The following ACTL8 variants were observed in gnomAD, a reference collection of about 807,000 sequenced individuals.
The protein encoded by ACTL8 is actin-like protein 8.
A neutral mutation model predicts 9.3 loss-of-function variants in ACTL8; 3 were observed. The observed-to-expected ratio is 0.32, with a 90% CI of 0.15 to 0.83. The LOEUF is 0.83. ACTL8 is among the 40% of genes least tolerant of loss of function. The pLI is 0.57. For synonymous variants in ACTL8, 224 were observed against 205.9 expected (o/e 1.09, Z -0.75); for missense variants, 381 against 492.2 (o/e 0.77, Z 2.14).
chr1:17,808,091 A>G (rs2066370280), intron 1 of ACTL8, among the ~76,000 whole-genome samples: 1 of 152,196 alleles, frequency 6.6e-6, no homozygotes, highest in Non-Finnish European at 1.5e-5. Context: ...GTTGTCTAGG[A>G]CTCACTGAGA....
chr1:17,822,988 C>A lies in ACTL8; in HGVS notation c.-21C>A. ...ACCCCATCCTTTGCTTCCGCAGGTCCCACCCACCTCTGCCTCCGCCATGGC... is the reference window on the plus strand; with the variant it reads ...ACCCCATCCTTTGCTTCCGCAGGTCACACCCACCTCTGCCTCCGCCATGGC... On this transcript the variant is annotated 5_prime_UTR_variant, in exon 2 of 3. Transcript: ENST00000375406. 6.2e-7 allele frequency: 1 copy of A among 1,603,404 alleles called. No individual in the cohort carries two copies. Among genetic ancestry groups the A allele is most frequent in the Non-Finnish European group, 8.5e-7 (1 of 1,174,260 alleles).
At chr1:17,786,785 G>A (rs1224013939) in intron 1 of ACTL8, among the ~76,000 whole-genome samples, 1 of 151,800 alleles carries the variant, frequency 6.6e-6, no homozygotes, top group Admixed American at 6.6e-5. Context: ...GCACAGCCTC[G>A]AGCTCCTCAA....
chr1:17,819,253 T>C (rs770557779), intron 1 of ACTL8, among the ~76,000 whole-genome samples: 1 of 152,234 alleles, frequency 6.6e-6, no homozygotes, highest in Non-Finnish European at 1.5e-5. Context: ...CTTCCCGGAA[T>C]GTCATGCAGC....
chr1:17,796,081 T>A (rs959696175), intron 1 of ACTL8, among the ~76,000 whole-genome samples: 2 of 152,130 alleles, frequency 1.3e-5, no homozygotes, highest in Non-Finnish European at 2.9e-5. Context: ...GAAATGCTGC[T>A]CTTTCCTGGG....
At chr1:17,819,308 A>G (rs2053627614) in intron 1 of ACTL8, among the ~76,000 whole-genome samples, 1 of 152,206 alleles carries the variant, frequency 6.6e-6, no homozygotes, top group African/African-American at 2.4e-5. Flanking sequence ...TGAGGAATCT[A>G]TCACTCAGCC....
In ACTL8 at chr1:17,816,443, A is replaced by G. The variant is rs148994488; in HGVS notation, c.-24-6542A>G. 4.4e-3 allele frequency among the ~76,000 whole-genome samples: 663 copies of G among 152,272 alleles called. 6 individuals are homozygous for G. Among genetic ancestry groups the G allele is most frequent in the African/African-American group, 0.015 (633 of 41,550 alleles). The stretch of plus-strand genomic sequence containing the variant: ...GGTCTCAAACTCCTGAGCTCAAGCA[A>G]TCCACCCGCCTTGGCCTCCCAAAGT... On this transcript the variant is annotated intron_variant, in intron 1 of 2. Coordinates refer to ENST00000375406, the MANE Select transcript of ACTL8 (RefSeq NM_030812.3).
At position 17,767,938 on chromosome 1, in the gene ACTL8, GGTGGGACTGGGTGTCT is replaced by G. The variant is rs2066057082; in HGVS notation, c.-25+12440_-25+12455del. Among the ~76,000 whole-genome samples the G allele has an allele frequency of 6.6e-6, 1 of 152,028 alleles. No homozygotes were observed. Among genetic ancestry groups the G allele is most frequent in the East Asian group, 1.9e-4 (1 of 5,182 alleles). ...AGAATGGGTGCTCGTGAATCCCTCTGGTGGGACTGGGTGTCTGTGGGTTCAGTCCTGGGGGGCAGGG... is the reference window on the plus strand; with the variant it reads ...AGAATGGGTGCTCGTGAATCCCTCTGGTGGGTTCAGTCCTGGGGGGCAGGG... On this transcript the variant is annotated intron_variant, in intron 1 of 2. Transcript: ENST00000375406. This position sits in a 1 kb window ranked among gnomAD's most constrained non-coding sequence, Gnocchi z 4.7.
chr1:17,755,811 G>A (rs1569983001), intron 1 of ACTL8, among the ~76,000 whole-genome samples: 1 of 151,794 alleles, frequency 6.6e-6, no homozygotes, highest in African/African-American at 2.4e-5. Flanking sequence ...TTAGCCCCTT[G>A]TGGGGGCACC....
intron 1 of ACTL8, among the ~76,000 whole-genome samples, chr1:17,761,928 A>C (rs1412151357): frequency 6.7e-6 from 1 of 150,270 alleles, no homozygotes; most frequent in Non-Finnish European, 1.5e-5. Context: ...AGGAGATCAC[A>C]TCGTGGGTTT....
chr1:17,825,006 T>A (rs1036672208), intron 2 of ACTL8, among the ~76,000 whole-genome samples: 1 of 149,442 alleles, frequency 6.7e-6, no homozygotes, highest in Non-Finnish European at 1.5e-5. Context: ...CACAGAAGGG[T>A]TGACTGTTAG....
intron 1 of ACTL8, among the ~76,000 whole-genome samples, chr1:17,763,535 C>A (rs2066022566): frequency 6.6e-6 from 1 of 152,286 alleles, no homozygotes; most frequent in South Asian, 2.1e-4. Context: ...TCCCCGTGTC[C>A]CCTGCCTCCA....
At chr1:17,807,764 C>T (rs549122792) in intron 1 of ACTL8, among the ~76,000 whole-genome samples, 2 of 151,786 alleles carry the variant, frequency 1.3e-5, no homozygotes, top group South Asian at 2.1e-4. Context: ...AAACACCACA[C>T]GTTCTCACTC....
At chr1:17,815,664 A>G (rs898298137) in intron 1 of ACTL8, among the ~76,000 whole-genome samples, 4 of 152,160 alleles carry the variant, frequency 2.6e-5, no homozygotes, top group African/African-American at 4.8e-5. Flanking sequence ...TTTATTTTCT[A>G]TGGGGTGTGC....
intron 1 of ACTL8, among the ~76,000 whole-genome samples, chr1:17,790,520 G>A (rs2066231481): frequency 6.6e-6 from 1 of 152,210 alleles, no homozygotes; most frequent in African/African-American, 2.4e-5. Flanking sequence ...TTGTCCCGAT[G>A]TCTGCTCAGC....
chr1:17,785,325 T>C (rs1011532555), intron 1 of ACTL8, among the ~76,000 whole-genome samples: 2 of 152,224 alleles, frequency 1.3e-5, no homozygotes, highest in African/African-American at 2.4e-5. Context: ...ATTTGCCCAA[T>C]CAGCAGCTGG....
chr1:17,779,250 C>T lies in ACTL8; in HGVS notation c.-25+23746C>T, dbSNP rs138014099. Among the ~76,000 whole-genome samples the T allele has an allele frequency of 7.0e-3, 1,063 of 152,250 alleles. 10 individuals are homozygous for T. Among genetic ancestry groups the T allele is most frequent in the Middle Eastern group, 0.02 (6 of 294 alleles). ...TCTCCCTCCCACAACCCCTTCTCACCTCCTTCAACATTCAGCTGGGGCAAG... is the reference window on the plus strand; with the variant it reads ...TCTCCCTCCCACAACCCCTTCTCACTTCCTTCAACATTCAGCTGGGGCAAG... On this transcript the variant is annotated intron_variant, in intron 1 of 2. Transcript: ENST00000375406.
At chr1:17,789,773 T>G (rs565210033) in intron 1 of ACTL8, among the ~76,000 whole-genome samples, 51 of 151,188 alleles carry the variant, frequency 3.4e-4, no homozygotes, top group African/African-American at 1.1e-3. Context: ...GAAAGAGAGA[T>G]AACATTTTCC....
intron 1 of ACTL8, among the ~76,000 whole-genome samples, chr1:17,775,686 T>G (rs2102680597): frequency 6.6e-6 from 1 of 152,316 alleles, no homozygotes; most frequent in South Asian, 2.1e-4. Context: ...AAGATATTCT[T>G]TCTTGAAACG....
At chr1:17,759,447 T>C (rs1390174627) in intron 1 of ACTL8, among the ~76,000 whole-genome samples, 1 of 152,266 alleles carries the variant, frequency 6.6e-6, no homozygotes, top group African/African-American at 2.4e-5. Flanking sequence ...AGACACCTCC[T>C]GTGAGCAGCT....
Sources: allele counts gnomAD v4.1 joint callset (sites outside exome capture counted in the v4.1 genomes callset), GRCh38; gene constraint gnomAD v4.1.1; non-coding constraint Gnocchi (gnomAD v3.1); transcripts MANE v1.5; gene names NCBI Gene and HGNC (gene_info 2026-07-23, HGNC 2026-07-21).